GNG7: variants seen among roughly 807,000 people sequenced by gnomAD.
GNG7 encodes guanine nucleotide-binding protein G(I)/G(S)/G(O) subunit gamma-7.
A neutral mutation model predicts 4.0 loss-of-function variants in GNG7; 1 was observed. That is an observed-to-expected ratio of 0.25 (90% CI 0.09 to 1.18). GNG7 has a LOEUF of 1.18. Among genes scored for constraint, GNG7 ranks in the 50% most tolerant of loss-of-function variants. The pLI is 0.50. For missense variants in GNG7, 86 were observed against 91.9 expected (o/e 0.94, Z 0.26); for synonymous variants, 34 against 36.9 (o/e 0.92, Z 0.29).
At chr19:2,558,711 C>CTTCT (rs71178290) in intron 2 of GNG7, among the ~76,000 whole-genome samples, 6 of 151,744 alleles carry the variant, frequency 4.0e-5, no homozygotes, top group South Asian at 2.1e-4. Context: ...TTTCTTTCCT[C>CTTCT]TTCTTTCTTT....
chr19:2,614,611 G>A lies in GNG7; in HGVS notation c.-78+31613C>T, dbSNP rs1273265771. 6.6e-6 allele frequency among the ~76,000 whole-genome samples: 1 copy of A among 152,186 alleles called. No homozygotes were observed. Among genetic ancestry groups the A allele is most frequent in the Non-Finnish European group, 1.5e-5 (1 of 68,044 alleles). On this transcript the variant is annotated intron_variant, in intron 2 of 4. Coordinates refer to ENST00000382159, the MANE Select transcript of GNG7 (RefSeq NM_052847.3). This position sits in a 1 kb window ranked among gnomAD's most constrained non-coding sequence, Gnocchi z 6.0. The stretch of plus-strand genomic sequence containing the variant: ...CTCAAGGGGCATCCAGGCTGCACGT[G>A]GCCTGGGTCAGAGTCTCGTTCACGG...
rs949771050 is a variant in GNG7, at chr19:2,575,443, C to T, written c.-77-20255G>A. Among the ~76,000 whole-genome samples the T allele has an allele frequency of 7.2e-5, 11 of 152,302 alleles. No individual in the cohort carries two copies. The East Asian group carries it at 9.6e-4, about 13-fold the overall frequency. Reference sequence around the variant, plus strand: ...AGGGAAGTGTACAAAGCAGAACGGGCGCCTCCTCAGGGCGTGTGGACACGC... The same window carrying T: ...AGGGAAGTGTACAAAGCAGAACGGGTGCCTCCTCAGGGCGTGTGGACACGC... On this transcript the variant is annotated intron_variant, in intron 2 of 4. Transcript: ENST00000382159.
chr19:2,526,383 G>A (rs1978397261), intron 3 of GNG7, among the ~76,000 whole-genome samples: 1 of 151,540 alleles, frequency 6.6e-6, no homozygotes, highest in Non-Finnish European at 1.5e-5. Flanking sequence ...GGGATTACAG[G>A]CGTGAGCCAC....
chr19:2,556,498 A>G lies in GNG7; in HGVS notation c.-77-1310T>C, dbSNP rs959984257. ...AAACATTTGCTATTTCCACAAACCAATGGGTTTTTTTCCACCGACACAAAG... is the reference window on the plus strand; with the variant it reads ...AAACATTTGCTATTTCCACAAACCAGTGGGTTTTTTTCCACCGACACAAAG... On this transcript the variant is annotated intron_variant, in intron 2 of 4. Transcript: ENST00000382159. 2.1e-4 allele frequency among the ~76,000 whole-genome samples: 32 copies of G among 152,018 alleles called. 1 individual carries two copies. Among genetic ancestry groups the G allele is most frequent in the Non-Finnish European group, 1.3e-4 (9 of 67,974 alleles).
intron 3 of GNG7, among the ~76,000 whole-genome samples, chr19:2,523,547 G>A (rs1030460015): frequency 2.0e-5 from 3 of 152,026 alleles, no homozygotes; most frequent in African/African-American, 7.2e-5. Flanking sequence ...AGGGCAACAC[G>A]AATGATCCCT....
intron 2 of GNG7, among the ~76,000 whole-genome samples, chr19:2,594,450 G>GAAGGAAGGAAGA: frequency 2.0e-5 from 3 of 149,424 alleles, no homozygotes; most frequent in Non-Finnish European, 4.4e-5. Context: ...AAGGAAGGAG[G>GAAGGAAGGAAGA]AAGAAAGAAA....
chr19:2,592,950 G>A (rs889899592), intron 2 of GNG7, among the ~76,000 whole-genome samples: 1 of 136,060 alleles, frequency 7.3e-6, no homozygotes, highest in African/African-American at 2.8e-5. Flanking sequence ...AAGGAAGGAC[G>A]GAAGAAAGAA....
At chr19:2,624,622 G>A (rs1323981652) in intron 2 of GNG7, among the ~76,000 whole-genome samples, 2 of 152,178 alleles carry the variant, frequency 1.3e-5, no homozygotes. Flanking sequence ...CTGTCTGGTT[G>A]CCGGTGGTGC....
At position 2,669,727 on chromosome 19, in the gene GNG7, T is replaced by C. The variant is rs563462397; in HGVS notation, c.-134-23447A>G. On this transcript the variant is annotated intron_variant, in intron 1 of 4. Coordinates refer to ENST00000382159, the MANE Select transcript of GNG7 (RefSeq NM_052847.3). ...GCTCTTTACAGAAGAGGTCTGTTGA[T>C]GGCTGGGTGCAGCGGCTCATGCCTG... 9.7e-4 allele frequency among the ~76,000 whole-genome samples: 147 copies of C among 151,954 alleles called. 1 individual carries two copies. Among genetic ancestry groups the C allele is most frequent in the Middle Eastern group, 6.8e-3 (2 of 294 alleles).
chr19:2,685,913 G>A (rs759719011), intron 1 of GNG7, among the ~76,000 whole-genome samples: 15 of 152,176 alleles, frequency 9.9e-5, no homozygotes, highest in Admixed American at 4.6e-4. Context: ...CTGTCCCCGC[G>A]AGAGGAGGCC....
At chr19:2,530,000 T>C (rs1188984774) in intron 3 of GNG7, among the ~76,000 whole-genome samples, 1 of 152,248 alleles carries the variant, frequency 6.6e-6, no homozygotes, top group African/African-American at 2.4e-5. Context: ...AGAATATCCA[T>C]GACCTCCTTC....
At chr19:2,599,169 CTT>C (rs1981125390) in intron 2 of GNG7, among the ~76,000 whole-genome samples, 1 of 152,104 alleles carries the variant, frequency 6.6e-6, no homozygotes, top group Non-Finnish European at 1.5e-5. Flanking sequence ...CCACGTGGTG[CTT>C]TTTGAACTGA....
rs142681186 is a variant in GNG7, at chr19:2,564,861, C to A, written c.-77-9673G>T. Among the ~76,000 whole-genome samples, 43 of 147,276 alleles carry A rather than the reference C, an allele frequency of 2.9e-4. No homozygotes were observed. In the East Asian group the frequency reaches 8.2e-3, roughly 28 times the overall value. The stretch of plus-strand genomic sequence containing the variant: ...GCAATCTGTAATAATTTGCATGGCA[C>A]TCTAGGAAATGAATACATTGGTCAT... On this transcript the variant is annotated intron_variant, in intron 2 of 4. Transcript: ENST00000382159.
intron 3 of GNG7, chr19:2,538,092 A>G (rs1568235447): frequency 2.2e-6 from 1 of 454,314 alleles, no homozygotes; most frequent in South Asian, 1.6e-5. Context: ...AAACAAAACA[A>G]AACAAAACAA....
intron 3 of GNG7, among the ~76,000 whole-genome samples, chr19:2,523,218 G>C (rs1978319155): frequency 6.6e-6 from 1 of 151,930 alleles, no homozygotes; most frequent in Admixed American, 6.6e-5. Flanking sequence ...CCAGGGATCA[G>C]GGAGGGGCAG....
intron 2 of GNG7, chr19:2,643,202 C>A (rs570062231): frequency 1.3e-4 from 61 of 452,728 alleles, no homozygotes; most frequent in Non-Finnish European, 2.3e-4. Flanking sequence ...GCTCTGCACA[C>A]CTTCCGGCCT....
chr19:2,620,318 C>CA (rs1243826972), intron 2 of GNG7, among the ~76,000 whole-genome samples: 1 of 150,892 alleles, frequency 6.6e-6, no homozygotes, highest in Non-Finnish European at 1.5e-5. Context: ...ACCCTGGCTA[C>CA]AGGCCGTCGT....
At chr19:2,649,635 G>A (rs1039310373) in intron 1 of GNG7, among the ~76,000 whole-genome samples, 1 of 151,880 alleles carries the variant, frequency 6.6e-6, no homozygotes, top group African/African-American at 2.4e-5. Context: ...TGATCCACCC[G>A]CCTCAGCCTC....
intron 1 of GNG7, among the ~76,000 whole-genome samples, chr19:2,663,345 T>TCC (rs144943909): frequency 1.5e-4 from 22 of 147,504 alleles, no homozygotes; most frequent in African/African-American, 4.9e-4. Context: ...TCTCTCTCTC[T>TCC]CCCCCCCCTC....
Sources: allele counts gnomAD v4.1 joint callset (sites outside exome capture counted in the v4.1 genomes callset), GRCh38; gene constraint gnomAD v4.1.1; non-coding constraint Gnocchi (gnomAD v3.1); transcripts MANE v1.5; gene names NCBI Gene and HGNC (gene_info 2026-07-23, HGNC 2026-07-21).